The following STRN variants were observed in gnomAD, a reference collection of about 807,000 sequenced individuals.
The protein encoded by STRN is striatin.
STRN carries 53 observed loss-of-function variants against 96.3 expected under a neutral mutation model. The observed-to-expected ratio is 0.55, with a 90% confidence interval of 0.44 to 0.69. The LOEUF (loss-of-function observed/expected upper bound fraction) is 0.69. STRN is among the 30% of genes least tolerant of loss of function. STRN has a pLI of 0.00. For synonymous variants in STRN, 428 were observed against 355.9 expected (o/e 1.20, Z -2.28); for missense variants, 987 against 963.9 (o/e 1.02, Z -0.32).
In STRN at chr2:36,839,446, G is replaced by A. The variant is rs1236807517; in HGVS notation, c.*10010C>T. Among the ~76,000 whole-genome samples, 1 of 152,124 alleles carries A rather than the reference G, an allele frequency of 6.6e-6. No individual in the cohort carries two copies. The highest frequency in any genetic ancestry group is 2.4e-5 in the African/African-American group (1 of 41,424). ...TTTAACCTATTTCTCCTAAAACCCT[G>A]ATGTTCTAGAAGCTATCAGGAGTGT... On this transcript the variant is annotated 3_prime_UTR_variant, in exon 18 of 18. Transcript: ENST00000263918.
At chr2:36,889,559 A>C (rs1669331530) in intron 7 of STRN, among the ~76,000 whole-genome samples, 1 of 121,214 alleles carries the variant, frequency 8.2e-6, no homozygotes, top group Non-Finnish European at 1.6e-5. Flanking sequence ...GTATGGTAAA[A>C]TCTTTTTGCT....
chr2:36,844,253 C>G lies in STRN; in HGVS notation c.*5203G>C, dbSNP rs1041665075. ...AGTTGTATTGTTTTCTCACAAGAGG[C>G]AAACTTCAGCCAAACAATGAAGAGA... On this transcript the variant is annotated 3_prime_UTR_variant, in exon 18 of 18. Transcript: ENST00000263918. 3.3e-5 allele frequency: 5 copies of G among 152,242 alleles called. No homozygotes were observed. The South Asian group carries it at 6.2e-4, about 19-fold the overall frequency. 9.4% of individuals were successfully genotyped at this position (152,242 alleles called of 1,614,324 possible). A position where few individuals can be genotyped will look rare whatever the true frequency, so the allele number is the denominator to read the frequency against.
At chr2:36,922,866 G>A (rs558834631) in intron 2 of STRN, among the ~76,000 whole-genome samples, 26 of 152,268 alleles carry the variant, frequency 1.7e-4, no homozygotes, top group African/African-American at 5.8e-4. Flanking sequence ...TAACCACTCC[G>A]GGCCGCACGC....
intron 10 of STRN, among the ~76,000 whole-genome samples, chr2:36,872,855 TA>T (rs776908559): frequency 6.7e-6 from 1 of 150,154 alleles, no homozygotes. Context: ...GAATTAAACA[TA>T]AAAAAAAACA....
chr2:36,893,789 C>T, intron 7 of STRN, 109 bp downstream of exon 7: 1 of 1,359,386 alleles, frequency 7.4e-7, no homozygotes, highest in Non-Finnish European at 9.8e-7. Context: ...AATAAGTTCA[C>T]AGAATGCTCA....
chr2:36,946,267 T>C (rs1179745294), intron 1 of STRN, among the ~76,000 whole-genome samples: 6 of 151,046 alleles, frequency 4.0e-5, no homozygotes, highest in Non-Finnish European at 7.4e-5. Flanking sequence ...CATCCAAATA[T>C]GAGAAAGAAA....
chr2:36,875,329 G>GC (rs1183394033), intron 10 of STRN, among the ~76,000 whole-genome samples: 1 of 151,942 alleles, frequency 6.6e-6, no homozygotes, highest in Non-Finnish European at 1.5e-5. Context: ...GGGCAGTATA[G>GC]CAAGATCCCG....
intron 1 of STRN, among the ~76,000 whole-genome samples, chr2:36,937,099 T>C (rs1446893404): frequency 2.0e-5 from 3 of 151,980 alleles, no homozygotes; most frequent in Non-Finnish European, 4.4e-5. Context: ...ATCCCAGCAC[T>C]TTGGGAGGCC....
intron 3 of STRN, among the ~76,000 whole-genome samples, chr2:36,911,557 C>A (rs1669965947): frequency 6.6e-6 from 1 of 152,098 alleles, no homozygotes; most frequent in Non-Finnish European, 1.5e-5. Context: ...AACAAACAGC[C>A]TGCAAAACCC....
At chr2:36,932,916 G>A (rs572965450) in intron 1 of STRN, among the ~76,000 whole-genome samples, 1 of 152,254 alleles carries the variant, frequency 6.6e-6, no homozygotes, top group East Asian at 1.9e-4. Flanking sequence ...ATGTACATCA[G>A]TAGGTTTCTT....
chr2:36,851,676 C>G (rs921661842), intron 15 of STRN, among the ~76,000 whole-genome samples: 5 of 152,230 alleles, frequency 3.3e-5, no homozygotes, highest in African/African-American at 1.2e-4. Context: ...TCTAGAGCCA[C>G]TAACGCTGTT....
chr2:36,956,563 T>C (rs1664893347), intron 1 of STRN, among the ~76,000 whole-genome samples: 2 of 152,126 alleles, frequency 1.3e-5, no homozygotes, highest in African/African-American at 4.8e-5. Context: ...AAATCAAAAG[T>C]ATAGCTGACA....
intron 1 of STRN, among the ~76,000 whole-genome samples, chr2:36,940,648 A>C (rs1670821456): frequency 6.6e-6 from 1 of 151,700 alleles, no homozygotes; most frequent in Non-Finnish European, 1.5e-5. Context: ...TAACATGGTG[A>C]AACCCCATCT....
In STRN at chr2:36,966,331, C is replaced by T. The variant is rs778081749; in HGVS notation, c.133G>A (p.Ala45Thr). ...DGAAAAGAAR[A>T]QYSLPGILHF... ...AGGATCCCCGGGAGACTGTACTGGG[C>T]TCGGGCCGCCCCCGCCGCAGCCGCC... is the stretch of plus-strand genomic sequence containing the variant. The change falls in exon 1 of 18, where the codon GCC becomes ACC. Residue 45 changes from alanine (A) to threonine (T), a missense_variant. Physicochemically the swap from Ala to Thr is moderately conservative, Grantham distance 58 (BLOSUM62 0). Coordinates refer to ENST00000263918, the MANE Select transcript of STRN (RefSeq NM_003162.4). The T allele has an allele frequency of 1.3e-5, 20 of 1,486,668 alleles. No homozygotes were observed. Among genetic ancestry groups the T allele is most frequent in the Non-Finnish European group, 1.7e-5 (19 of 1,119,802 alleles). 92.1% of individuals were successfully genotyped at this position (1,486,668 alleles called of 1,614,324 possible). A position where few individuals can be genotyped will look rare whatever the true frequency, so the allele number is the denominator to read the frequency against.
At chr2:36,919,786 A>T (rs950128404) in intron 2 of STRN, among the ~76,000 whole-genome samples, 6 of 152,236 alleles carry the variant, frequency 3.9e-5, no homozygotes, top group East Asian at 3.8e-4. Flanking sequence ...GAGAAATTTT[A>T]AAAATGGCAG....
At chr2:36,860,323 T>A (rs1668444347) in intron 13 of STRN, among the ~76,000 whole-genome samples, 1 of 152,058 alleles carries the variant, frequency 6.6e-6, no homozygotes, top group Non-Finnish European at 1.5e-5. Flanking sequence ...GTAAAGGAAG[T>A]AAGGAAAGAC....
At position 36,869,463 on chromosome 2, in the gene STRN, G is replaced by C. The variant is rs991914209; in HGVS notation, c.1499+91C>G. 7.7e-6 allele frequency: 9 copies of C among 1,167,500 alleles called. No homozygotes were observed. The African/African-American group carries it at 1.3e-4, about 17-fold the overall frequency. 72.3% of individuals were successfully genotyped at this position (1,167,500 alleles called of 1,614,324 possible). A position where few individuals can be genotyped will look rare whatever the true frequency, so the allele number is the denominator to read the frequency against. On this transcript the variant is annotated intron_variant, in intron 11 of 17. Coordinates refer to ENST00000263918, the MANE Select transcript of STRN (RefSeq NM_003162.4). ...GAAGAAAGAACTAGAAGAAATGTTT[G>C]GGAAATTTAACAGAAATCATAAAAT...
At chr2:36,960,896 T>G (rs1470679231) in intron 1 of STRN, among the ~76,000 whole-genome samples, 1 of 152,028 alleles carries the variant, frequency 6.6e-6, no homozygotes, top group Non-Finnish European at 1.5e-5. Flanking sequence ...TTTGTTTGTT[T>G]GTTTGATTGA....
chr2:36,904,866 AAT>A lies in STRN; in HGVS notation c.491+672_491+673del, dbSNP rs959413956. ...AATGAATGAATGAATGAATGAATGA[AAT>A]ATATGTTAGGCAATATTTGCAAATT... is the stretch of plus-strand genomic sequence containing the variant. On this transcript the variant is annotated intron_variant, in intron 4 of 17. Transcript: ENST00000263918. Among the ~76,000 whole-genome samples the A allele has an allele frequency of 7.2e-4, 110 of 152,318 alleles. 1 individual carries two copies. Among genetic ancestry groups the A allele is most frequent in the African/African-American group, 2.6e-3 (107 of 41,576 alleles).
Sources: gnomAD v4.1 joint callset for allele counts (sites outside exome capture counted in the v4.1 genomes callset) on GRCh38, gnomAD v4.1.1 for gene constraint, MANE v1.5 for transcripts, NCBI Gene and HGNC (gene_info 2026-07-23, HGNC 2026-07-21) for gene names.